IL1RAPL1: variants seen among roughly 807,000 people sequenced by gnomAD.
IL1RAPL1 encodes interleukin-1 receptor accessory protein-like 1.
In IL1RAPL1, 3 loss-of-function variants were observed where a neutral mutation model predicts 48.4. The observed-to-expected ratio is 0.06, with a 90% confidence interval of 0.03 to 0.16. The LOEUF (loss-of-function observed/expected upper bound fraction) is 0.16. Among genes scored for constraint, IL1RAPL1 ranks in the 10% least tolerant of loss-of-function variants. The pLI is 1.00. For synonymous variants in IL1RAPL1, 185 were observed against 187.7 expected, an observed-to-expected ratio of 0.99 and a Z score of 0.12; for missense variants, 349 against 530.6, an observed-to-expected ratio of 0.66 and a Z score of 3.36.
intron 1 of IL1RAPL1, among the ~76,000 whole-genome samples, chrX:28,733,671 C>G (rs1935784260): frequency 9.0e-6 from 1 of 111,487 alleles, no homozygotes; most frequent in Admixed American, 9.6e-5. Flanking sequence ...TCGTAGACTT[C>G]TCGATGATGG....
intron 1 of IL1RAPL1, among the ~76,000 whole-genome samples, chrX:28,781,805 T>C (rs974943723): frequency 6.3e-5 from 7 of 111,151 alleles, no homozygotes; most frequent in African/African-American, 1.6e-4. Flanking sequence ...AGGCTATATA[T>C]TGAGAAATTG....
At chrX:28,688,019 A>C (rs1935132410) in intron 1 of IL1RAPL1, among the ~76,000 whole-genome samples, 1 of 102,093 alleles carries the variant, frequency 9.8e-6, no homozygotes, top group Admixed American at 1.1e-4. Flanking sequence ...CACGAGAATC[A>C]CTTGAACCCA....
At chrX:29,493,058 C>T (rs1009495462) in intron 5 of IL1RAPL1, among the ~76,000 whole-genome samples, 8 of 111,691 alleles carry the variant, frequency 7.2e-5, no homozygotes, top group African/African-American at 2.0e-4. Context: ...TTTCTTTTTG[C>T]ACTGGCATTA....
At chrX:29,588,543 A>G (rs1923260645) in intron 5 of IL1RAPL1, among the ~76,000 whole-genome samples, 1 of 112,382 alleles carries the variant, frequency 8.9e-6, no homozygotes, top group African/African-American at 3.2e-5. Flanking sequence ...TGTGGATGTC[A>G]TGGTTAAAAG....
intron 2 of IL1RAPL1, among the ~76,000 whole-genome samples, chrX:28,815,669 C>T (rs1464449325): frequency 5.8e-5 from 6 of 103,086 alleles, no homozygotes; most frequent in Non-Finnish European, 1.2e-4. Context: ...TCATGAGATT[C>T]AATTTTAGCT....
intron 1 of IL1RAPL1, chrX:28,659,521 C>T: frequency 6.4e-6 from 3 of 465,424 alleles, no homozygotes; most frequent in South Asian, 3.0e-5. Flanking sequence ...TGGAGCTCGG[C>T]GAGCTAGAGG....
chrX:29,590,371 TA>T (rs1923326746), intron 5 of IL1RAPL1, among the ~76,000 whole-genome samples: 1 of 111,816 alleles, frequency 8.9e-6, no homozygotes, highest in Non-Finnish European at 1.9e-5. Context: ...TTAGATACAA[TA>T]AAATTAGACA....
chrX:28,953,794 C>G (rs1924532168), intron 2 of IL1RAPL1, among the ~76,000 whole-genome samples: 1 of 111,029 alleles, frequency 9.0e-6, no homozygotes, highest in Non-Finnish European at 1.9e-5. Flanking sequence ...AGTTTTAATG[C>G]CAGATCATTT....
intron 1 of IL1RAPL1, among the ~76,000 whole-genome samples, chrX:28,616,741 A>G (rs1184493822): frequency 2.7e-5 from 3 of 112,081 alleles, no homozygotes; most frequent in African/African-American, 9.7e-5. Context: ...CAGAAAAGGC[A>G]TTTTTCTATT....
chrX:28,771,364 G>C (rs1172121631), intron 1 of IL1RAPL1, among the ~76,000 whole-genome samples: 1 of 112,614 alleles, frequency 8.9e-6, no homozygotes, highest in Non-Finnish European at 1.9e-5. Flanking sequence ...CTTTAGGGGA[G>C]AAAGTCGAAG....
chrX:29,655,494 C>G (rs746711161), intron 5 of IL1RAPL1, among the ~76,000 whole-genome samples: 3 of 109,763 alleles, frequency 2.7e-5, no homozygotes, highest in Non-Finnish European at 5.7e-5. Flanking sequence ...GAAACCAGGT[C>G]TCTACTAAAA....
At chrX:29,636,721 T>A (rs1310238694) in intron 5 of IL1RAPL1, among the ~76,000 whole-genome samples, 1 of 111,584 alleles carries the variant, frequency 9.0e-6, no homozygotes, top group African/African-American at 3.3e-5. Flanking sequence ...CTACTCTTTG[T>A]CACATAGTTT....
At chrX:29,212,229 C>T (rs188815659) in intron 2 of IL1RAPL1, among the ~76,000 whole-genome samples, 1 of 111,466 alleles carries the variant, frequency 9.0e-6, no homozygotes, top group Non-Finnish European at 1.9e-5. Flanking sequence ...ATACAGCTGA[C>T]CCTCGAATAA....
chrX:29,835,428 A>G (rs1363386261), intron 6 of IL1RAPL1, among the ~76,000 whole-genome samples: 2 of 111,561 alleles, frequency 1.8e-5, no homozygotes, highest in Non-Finnish European at 3.8e-5. Context: ...GTTGTTGACG[A>G]TTTTTGCACC....
chrX:28,808,657 T>C (rs1337941757), intron 2 of IL1RAPL1, among the ~76,000 whole-genome samples: 1 of 111,263 alleles, frequency 9.0e-6, no homozygotes, highest in Admixed American at 9.6e-5. Flanking sequence ...AAAATATTAA[T>C]ATGCTTTAAT....
At chrX:29,952,997 G>A (rs1299205646) in intron 9 of IL1RAPL1, among the ~76,000 whole-genome samples, 1 of 111,635 alleles carries the variant, frequency 9.0e-6, no homozygotes, top group Non-Finnish European at 1.9e-5. Flanking sequence ...CAGACTACTA[G>A]AATTAACACA....
chrX:29,189,964 G>A (rs1429977158), intron 2 of IL1RAPL1, among the ~76,000 whole-genome samples: 1 of 111,603 alleles, frequency 9.0e-6, no homozygotes. Flanking sequence ...GAGATAAGTG[G>A]TTTAGAGCAT....
Position 28,662,198 on chromosome X carries a change from T to A in IL1RAPL1, c.-25+74151T>A, listed in dbSNP as rs191539008. Among the ~76,000 whole-genome samples the A allele has an allele frequency of 5.1e-3, 564 of 110,957 alleles. 1 individual carries two copies. The highest frequency in any genetic ancestry group is 0.014 in the Middle Eastern group (3 of 217). On this transcript the variant is annotated intron_variant, in intron 1 of 10. Coordinates refer to ENST00000378993, the MANE Select transcript of IL1RAPL1 (RefSeq NM_014271.4). ...ATTTGGAAAGAGTTTAACTACGGTA[T>A]TTAAAACTGTGGCAGCTGTATCTGA...
chrX:29,107,448 AG>A (rs1223000132), intron 2 of IL1RAPL1, among the ~76,000 whole-genome samples: 4 of 112,131 alleles, frequency 3.6e-5, no homozygotes, highest in Non-Finnish European at 7.5e-5. Flanking sequence ...TGCATTTGAG[AG>A]ACTTTTCCTG....
Sources: allele counts gnomAD v4.1 joint callset (sites outside exome capture counted in the v4.1 genomes callset), GRCh38; gene constraint gnomAD v4.1.1; transcripts MANE v1.5; gene names NCBI Gene and HGNC (gene_info 2026-07-23, HGNC 2026-07-21).